The following ACOT7 variants were observed in gnomAD, a reference collection of about 807,000 sequenced individuals.
ACOT7 encodes the protein cytosolic acyl coenzyme A thioester hydrolase.
ACOT7 carries 12 observed loss-of-function variants against 40.2 expected under a neutral mutation model. The observed-to-expected ratio is 0.30, with a 90% CI of 0.19 to 0.48. The LOEUF (loss-of-function observed/expected upper bound fraction) is 0.48, where lower values mean the gene tolerates loss of function less well. Ranked by LOEUF, ACOT7 falls within the 20% of genes least tolerant of loss-of-function variation. The probability of loss-of-function intolerance (pLI) is 0.99; values close to 1 mark genes in which losing one functional copy is unlikely to be tolerated. For missense variants in ACOT7, 395 were observed against 530.8 expected, an observed-to-expected ratio of 0.74 and a Z score of 2.51; for synonymous variants, 228 against 219.5, an observed-to-expected ratio of 1.04 and a Z score of -0.34.
chr1:6,364,522 C>A (rs1641958213), intron 1 of ACOT7, among the ~76,000 whole-genome samples: 1 of 124,266 alleles, frequency 8.0e-6, no homozygotes, highest in Admixed American at 9.3e-5. Context: ...GCCAGGGTGA[C>A]AGAGCAAGAG....
intron 1 of ACOT7, among the ~76,000 whole-genome samples, chr1:6,376,828 A>C (rs1642242352): frequency 6.6e-6 from 1 of 152,040 alleles, no homozygotes; most frequent in Non-Finnish European, 1.5e-5. Context: ...CCTGGGAGGC[A>C]GAGCGAACAT....
At chr1:6,303,240 C>A (rs901767740) in intron 6 of ACOT7, among the ~76,000 whole-genome samples, 1 of 152,144 alleles carries the variant, frequency 6.6e-6, no homozygotes, top group African/African-American at 2.4e-5. Context: ...AGGCAGTCCT[C>A]ATCTCCCAAG....
chr1:6,304,135 T>G (rs1031855592), intron 6 of ACOT7, among the ~76,000 whole-genome samples: 3 of 152,094 alleles, frequency 2.0e-5, no homozygotes, highest in African/African-American at 7.2e-5. Flanking sequence ...GCAAGGTCGC[T>G]TCCTGGAAGG....
At position 6,385,827 on chromosome 1, in the gene ACOT7, A is replaced by G. The variant is rs1553163146; in HGVS notation, c.143+7430T>C. 1,746 of 1,410,376 alleles carry G rather than the reference A, an allele frequency of 1.2e-3. 23 individuals carry two copies. Among genetic ancestry groups the G allele is most frequent in the African/African-American group, 1.1e-3 (77 of 68,788 alleles). 87.4% of individuals were successfully genotyped at this position (1,410,376 alleles called of 1,614,324 possible). On this transcript the variant is annotated intron_variant, in intron 1 of 8. Coordinates refer to ENST00000361521, the MANE Select transcript of ACOT7 (RefSeq NM_007274.4). The stretch of plus-strand genomic sequence containing the variant: ...CTCCTAGGACCGCCCCTCCCCCACC[A>G]GCCCCCGGCAAGCCGCCTCCTCGGC...
At chr1:6,277,550 C>T (rs1639231773) in intron 8 of ACOT7, among the ~76,000 whole-genome samples, 4 of 152,262 alleles carry the variant, frequency 2.6e-5, no homozygotes, top group South Asian at 2.1e-4. Flanking sequence ...CCGTCCTAGC[C>T]GGGTGGCCTC....
intron 8 of ACOT7, among the ~76,000 whole-genome samples, chr1:6,268,157 G>T (rs146481972): frequency 6.6e-6 from 1 of 152,164 alleles, no homozygotes; most frequent in African/African-American, 2.4e-5. Flanking sequence ...AGACTGTGGC[G>T]GGGGATGTCC....
chr1:6,347,722 G>C (rs922563527), intron 2 of ACOT7, among the ~76,000 whole-genome samples: 1 of 151,732 alleles, frequency 6.6e-6, no homozygotes, highest in African/African-American at 2.4e-5. Context: ...AGCCGGGATC[G>C]CACCATTGTA....
intron 8 of ACOT7, among the ~76,000 whole-genome samples, chr1:6,271,584 C>T (rs146739289): frequency 1.1e-3 from 164 of 152,332 alleles, no homozygotes; most frequent in African/African-American, 3.7e-3. Context: ...CACCTGAGGA[C>T]CTTGCCTTAG....
chr1:6,273,649 T>C (rs1639104005), intron 8 of ACOT7, among the ~76,000 whole-genome samples: 1 of 152,206 alleles, frequency 6.6e-6, no homozygotes, highest in Admixed American at 6.5e-5. Flanking sequence ...CAGTAACAGC[T>C]GAATTTCCTA....
rs1246530135 is a variant in ACOT7, at chr1:6,289,222, C to G, written c.829+5642G>C. Among the ~76,000 whole-genome samples, 2 of 152,168 alleles carry G rather than the reference C, an allele frequency of 1.3e-5. No homozygotes were observed. Among genetic ancestry groups the G allele is most frequent in the Non-Finnish European group, 2.9e-5 (2 of 68,036 alleles). ...TCAAGCGATTCTCCTACCTCAGCCC[C>G]CCGAGTAGCTGGGATTACAGGCGCC... is the stretch of plus-strand genomic sequence containing the variant. On this transcript the variant is annotated intron_variant, in intron 7 of 8. Transcript: ENST00000361521. The surrounding 1 kb of genome is among the most constrained non-coding windows in gnomAD (Gnocchi z 4.6).
At chr1:6,353,500 G>A (rs1037645978) in intron 1 of ACOT7, among the ~76,000 whole-genome samples, 1 of 152,046 alleles carries the variant, frequency 6.6e-6, no homozygotes, top group Non-Finnish European at 1.5e-5. Context: ...GGGGCGTGGT[G>A]GTACACACCT....
chr1:6,356,378 G>A (rs948622753), intron 1 of ACOT7, among the ~76,000 whole-genome samples: 3 of 152,176 alleles, frequency 2.0e-5, no homozygotes, highest in Non-Finnish European at 4.4e-5. Context: ...CCCCGAGGCA[G>A]CAGCGGCAGC....
intron 8 of ACOT7, among the ~76,000 whole-genome samples, chr1:6,280,129 C>G (rs1639312348): frequency 2.6e-5 from 4 of 152,234 alleles, no homozygotes; most frequent in African/African-American, 9.6e-5. Flanking sequence ...CTGGCCACTT[C>G]CATGAGAACG....
chr1:6,289,688 GTGTTTTGTTT>G lies in ACOT7; in HGVS notation c.829+5166_829+5175del, dbSNP rs59290255. Among the ~76,000 whole-genome samples, 159 of 151,752 alleles carry G rather than the reference GTGTTTTGTTT, an allele frequency of 1.0e-3. 1 individual carries two copies. Among genetic ancestry groups the G allele is most frequent in the African/African-American group, 3.7e-3 (151 of 41,272 alleles). On this transcript the variant is annotated intron_variant, in intron 7 of 8. Transcript: ENST00000361521. This position sits in a 1 kb window ranked among gnomAD's most constrained non-coding sequence, Gnocchi z 4.6. ...TGTGACCAGCCTGCTTTTTTTGTGT[GTGTTTTGTTT>G]TGTTTTGTTTTTAAAGAAACAGGGG... is the stretch of plus-strand genomic sequence containing the variant.
At chr1:6,339,620 G>C (rs537855698) in intron 2 of ACOT7, 31 bp from the exon 3 acceptor site, 4 of 1,603,996 alleles carry the variant, frequency 2.5e-6, no homozygotes, top group Admixed American at 1.7e-5. Flanking sequence ...GTCAGCCCAG[G>C]TCAGCCAGCC....
At chr1:6,348,390 C>T (rs1177952671) in intron 2 of ACOT7, among the ~76,000 whole-genome samples, 1 of 152,108 alleles carries the variant, frequency 6.6e-6, no homozygotes, top group Non-Finnish European at 1.5e-5. Context: ...CTGAAACACA[C>T]CCTACCCACT....
chr1:6,334,293 C>T (rs1217348465), intron 3 of ACOT7, among the ~76,000 whole-genome samples: 1 of 152,260 alleles, frequency 6.6e-6, no homozygotes, highest in Non-Finnish European at 1.5e-5. Context: ...CTCAGACACG[C>T]AACGTCTTCT....
rs928024753 is a variant in ACOT7, at chr1:6,292,904, T to C, written c.829+1960A>G. Among the ~76,000 whole-genome samples, 6 of 149,638 alleles carry C rather than the reference T, an allele frequency of 4.0e-5. 1 individual carries two copies. The South Asian group carries it at 6.4e-4, about 16-fold the overall frequency. On this transcript the variant is annotated intron_variant, in intron 7 of 8. Transcript: ENST00000361521. ...ATTTCTTTTTCTTTTTTTTTTTTTTTTTTGAGACGGAGTCTCACTCTGTCG... is the reference window on the plus strand; with the variant it reads ...ATTTCTTTTTCTTTTTTTTTTTTTTCTTTGAGACGGAGTCTCACTCTGTCG...
Position 6,393,531 on chromosome 1 carries a change from C to A in ACOT7, c.-132G>T, listed in dbSNP as rs1460635650. On this transcript the variant is annotated 5_prime_UTR_variant, in exon 1 of 9. Transcript: ENST00000361521. The stretch of plus-strand genomic sequence containing the variant: ...CCACCCCGAGCCCCGCCTCCCAGGC[C>A]GCCAAGGCTGCAGAGAGCTCGCGCG... 4.8e-6 allele frequency: 4 copies of A among 833,722 alleles called. No homozygotes were observed. Among genetic ancestry groups the A allele is most frequent in the African/African-American group, 1.8e-5 (1 of 55,586 alleles). 51.6% of individuals were successfully genotyped at this position (833,722 alleles called of 1,614,324 possible).
Sources: gnomAD v4.1 joint callset for allele counts (sites outside exome capture counted in the v4.1 genomes callset) on GRCh38, gnomAD v4.1.1 for gene constraint, Gnocchi (gnomAD v3.1) non-coding constraint, MANE v1.5 for transcripts, NCBI Gene and HGNC (gene_info 2026-07-23, HGNC 2026-07-21) for gene names.